ULK4: variants seen among roughly 807,000 people sequenced by gnomAD.
The protein encoded by ULK4 is unc-51 like kinase 4, also known as inactive serine/threonine-protein kinase ULK4.
In ULK4, 133 loss-of-function variants were observed where a neutral mutation model predicts 160.6. The ratio of observed to expected loss-of-function variants is 0.83; its 90% CI spans 0.72 to 0.96. The LOEUF is 0.96. ULK4 is among the 40% of genes least tolerant of loss of function. The pLI, the probability that ULK4 is intolerant of heterozygous loss-of-function variation, is 0.00. For synonymous variants in ULK4, 534 were observed against 539.8 expected (o/e 0.99, Z 0.15); for missense variants, 1,580 against 1,499.5 (o/e 1.05, Z -0.89).
chr3:41,805,253 T>A (rs1417905883), intron 19 of ULK4, among the ~76,000 whole-genome samples: 1 of 152,200 alleles, frequency 6.6e-6, no homozygotes, highest in Admixed American at 6.5e-5. Context: ...CAATTGTGAA[T>A]GGGAGTTCAC....
At chr3:41,961,557 C>CT (rs1333568766) in intron 1 of ULK4, among the ~76,000 whole-genome samples, 5 of 8,284 alleles carry the variant, frequency 6.0e-4, no homozygotes, top group East Asian at 0.014. Context: ...CTCACCCCCC[C>CT]CCCCCCCCCC....
chr3:41,309,158 C>G (rs754320761), intron 35 of ULK4, among the ~76,000 whole-genome samples: 1 of 151,754 alleles, frequency 6.6e-6, no homozygotes, highest in African/African-American at 2.4e-5. Context: ...AAATTATCAG[C>G]TAATACCTCT....
chr3:41,272,404 C>T (rs1333462262), intron 35 of ULK4, among the ~76,000 whole-genome samples: 1 of 148,868 alleles, frequency 6.7e-6, no homozygotes, highest in African/African-American at 2.5e-5. Context: ...AGTTTCTTCC[C>T]CCCTCACCCC....
rs1015468157 is a variant in ULK4 at position 41,797,011 on chromosome 3, A to G, written c.2010+3121T>C. Reference sequence around the variant, plus strand: ...GGGATGATTAGAGCACCCAAACAATAAGCAGTAGCAGTAATAGTATCACAT... The same window carrying G: ...GGGATGATTAGAGCACCCAAACAATGAGCAGTAGCAGTAATAGTATCACAT... On this transcript the variant is annotated intron_variant, in intron 20 of 36. Coordinates refer to ENST00000301831, the MANE Select transcript of ULK4 (RefSeq NM_017886.4). Among the ~76,000 whole-genome samples, 8 of 152,302 alleles carry G rather than the reference A, an allele frequency of 5.3e-5. No homozygotes were observed. The East Asian group carries it at 1.2e-3, about 22-fold the overall frequency.
intron 34 of ULK4, 87 bp from the exon 35 acceptor site, chr3:41,398,351 G>C (rs1575512113): frequency 7.3e-7 from 1 of 1,369,698 alleles, no homozygotes; most frequent in South Asian, 1.3e-5. Flanking sequence ...GGCTTGATGG[G>C]GGTGTCAGCC....
chr3:41,513,418 A>G (rs2085652512), intron 32 of ULK4, among the ~76,000 whole-genome samples: 1 of 152,238 alleles, frequency 6.6e-6, no homozygotes, highest in South Asian at 2.1e-4. Flanking sequence ...TAGGCGGATC[A>G]TGAGGTCAAG....
intron 22 of ULK4, among the ~76,000 whole-genome samples, chr3:41,748,159 T>TAC (rs35503989): frequency 0.061 from 8,563 of 140,858 alleles, 791 homozygotes; most frequent in African/African-American, 0.2. Flanking sequence ...TATATATATA[T>TAC]ACACACACAC....
chr3:41,831,531 A>AGAGAGAGAGATATAT lies in ULK4; in HGVS notation c.1764+4332_1764+4333insATATATCTCTCTCTC, dbSNP rs1553666745. Among the ~76,000 whole-genome samples the AGAGAGAGAGATATAT allele has an allele frequency of 8.6e-4, 119 of 138,128 alleles. 2 individuals are homozygous for AGAGAGAGAGATATAT. The highest frequency in any genetic ancestry group is 3.1e-3 in the African/African-American group (111 of 35,272). 90.6% of individuals were successfully genotyped at this position (138,128 alleles called of 152,430 possible). A position where few individuals can be genotyped will look rare whatever the true frequency, so the allele number is the denominator to read the frequency against. ...TTATTGTTATTTTATATATATATATATTTTTTTTTCTTTCTTAAACTTTAG... is the reference window on the plus strand; with the variant it reads ...TTATTGTTATTTTATATATATATATAGAGAGAGAGATATATTTTTTTTTTCTTTCTTAAACTTTAG... On this transcript the variant is annotated intron_variant, in intron 18 of 36. Coordinates refer to ENST00000301831, the MANE Select transcript of ULK4 (RefSeq NM_017886.4).
intron 30 of ULK4, among the ~76,000 whole-genome samples, chr3:41,643,800 A>G (rs966884870): frequency 2.0e-5 from 3 of 152,120 alleles, no homozygotes; most frequent in Non-Finnish European, 4.4e-5. Flanking sequence ...CCATTTTCAC[A>G]ATATTGATAC....
intron 32 of ULK4, among the ~76,000 whole-genome samples, chr3:41,542,201 CATTT>C (rs1319276781): frequency 6.6e-6 from 1 of 152,108 alleles, no homozygotes; most frequent in African/African-American, 2.4e-5. Context: ...TTCGATACCT[CATTT>C]ATTGACAGTT....
intron 21 of ULK4, among the ~76,000 whole-genome samples, chr3:41,757,839 A>C (rs2038858009): frequency 6.6e-6 from 1 of 151,782 alleles, no homozygotes; most frequent in South Asian, 2.1e-4. Context: ...GTGTTAGCCA[A>C]GATGGTCTTG....
chr3:41,661,533 T>C (rs1284370537), intron 30 of ULK4, among the ~76,000 whole-genome samples: 3 of 151,244 alleles, frequency 2.0e-5, no homozygotes, highest in Non-Finnish European at 4.4e-5. Flanking sequence ...GATAGATAAA[T>C]AGATAGATAA....
chr3:41,365,019 G>A (rs1465135442), intron 35 of ULK4, among the ~76,000 whole-genome samples: 1 of 152,196 alleles, frequency 6.6e-6, no homozygotes, highest in Non-Finnish European at 1.5e-5. Flanking sequence ...TTGGCTGCAA[G>A]TCTGAGACCA....
chr3:41,811,470 G>C (rs1287152050), intron 19 of ULK4, among the ~76,000 whole-genome samples: 1 of 152,158 alleles, frequency 6.6e-6, no homozygotes, highest in Admixed American at 6.5e-5. Flanking sequence ...CCAAACATGG[G>C]CTATTGGTTC....
At chr3:41,793,188 C>CA (rs397762773) in intron 20 of ULK4, among the ~76,000 whole-genome samples, 86,783 of 145,022 alleles carry the variant, frequency 0.6, 27,015 homozygotes, top group African/African-American at 0.83. Flanking sequence ...AAAAAACCAA[C>CA]AAAAAAAAAA....
chr3:41,932,321 T>C (rs1249962718), intron 4 of ULK4, among the ~76,000 whole-genome samples: 1 of 152,218 alleles, frequency 6.6e-6, no homozygotes, highest in Non-Finnish European at 1.5e-5. Context: ...CAACTCTCAG[T>C]GTCAGCTATA....
chr3:41,598,013 G>A (rs1024707787), intron 31 of ULK4, among the ~76,000 whole-genome samples: 1 of 152,180 alleles, frequency 6.6e-6, no homozygotes, highest in Non-Finnish European at 1.5e-5. Flanking sequence ...TTTCAGTACT[G>A]GCAGATCCTG....
At chr3:41,293,965 A>G (rs1388073245) in intron 35 of ULK4, among the ~76,000 whole-genome samples, 1 of 152,240 alleles carries the variant, frequency 6.6e-6, no homozygotes, top group African/African-American at 2.4e-5. Context: ...GTGAACCAAC[A>G]TATGAAGGTG....
chr3:41,351,400 A>C (rs1575458319), intron 35 of ULK4, among the ~76,000 whole-genome samples: 1 of 152,352 alleles, frequency 6.6e-6, no homozygotes, highest in African/African-American at 2.4e-5. Context: ...GACAAAACCC[A>C]CAGGCTGGTT....
Sources: gnomAD v4.1 joint callset for allele counts (sites outside exome capture counted in the v4.1 genomes callset) on GRCh38, gnomAD v4.1.1 for gene constraint, MANE v1.5 for transcripts, NCBI Gene and HGNC (gene_info 2026-07-23, HGNC 2026-07-21) for gene names.